ARHGAP17: variants seen among roughly 807,000 people sequenced by gnomAD.
The protein encoded by ARHGAP17 is Rho GTPase activating protein 17.
ARHGAP17 carries 57 observed loss-of-function variants against 99.5 expected under a neutral mutation model. The observed-to-expected ratio is 0.57, with a 90% CI of 0.46 to 0.71. ARHGAP17 has a LOEUF of 0.71. Ranked by LOEUF, ARHGAP17 falls within the 30% of genes least tolerant of loss-of-function variation. The probability of loss-of-function intolerance (pLI) is 0.00; values close to 1 mark genes in which losing one functional copy is unlikely to be tolerated. For missense variants in ARHGAP17, 1,000 were observed against 1,122.4 expected, an observed-to-expected ratio of 0.89 and a Z score of 1.56; for synonymous variants, 417 against 429.6, an observed-to-expected ratio of 0.97 and a Z score of 0.36.
chr16:24,940,368 G>A (rs1325500776), intron 16 of ARHGAP17, among the ~76,000 whole-genome samples: 1 of 152,094 alleles, frequency 6.6e-6, no homozygotes, highest in Non-Finnish European at 1.5e-5. Context: ...ACAATCCTAT[G>A]TGCATATGCA....
At chr16:24,974,090 A>G (rs1246477792) in intron 3 of ARHGAP17, among the ~76,000 whole-genome samples, 1 of 152,234 alleles carries the variant, frequency 6.6e-6, no homozygotes, top group Non-Finnish European at 1.5e-5. Flanking sequence ...CACTTCTAAC[A>G]TTAAGATACT....
chr16:24,984,618 C>T (rs959181559), intron 1 of ARHGAP17, among the ~76,000 whole-genome samples: 6 of 151,564 alleles, frequency 4.0e-5, no homozygotes, highest in South Asian at 2.1e-4. Flanking sequence ...ATTGAAATTG[C>T]GCCACTGCAC....
intron 3 of ARHGAP17, among the ~76,000 whole-genome samples, chr16:24,975,537 A>G (rs1162452455): frequency 6.6e-6 from 1 of 152,238 alleles, no homozygotes; most frequent in Non-Finnish European, 1.5e-5. Flanking sequence ...GTGTGGAAGC[A>G]TAGGTGTATG....
chr16:24,954,192 T>C (rs771917377), intron 10 of ARHGAP17, among the ~76,000 whole-genome samples: 44 of 152,296 alleles, frequency 2.9e-4, no homozygotes, highest in Middle Eastern at 6.8e-3. Flanking sequence ...AAATTAAGTA[T>C]GTAAATGACC....
intron 3 of ARHGAP17, chr16:24,972,488 T>C (rs1221810705): frequency 6.6e-6 from 1 of 152,100 alleles, no homozygotes; most frequent in East Asian, 1.9e-4. Flanking sequence ...TACAAAATTA[T>C]TTTCAAATAA....
chr16:24,952,571 C>G (rs2051676236), intron 11 of ARHGAP17, among the ~76,000 whole-genome samples: 1 of 151,914 alleles, frequency 6.6e-6, no homozygotes, highest in Admixed American at 6.6e-5. Context: ...TTTAAGAGAT[C>G]AATTACAAAT....
Position 24,919,955 on chromosome 16 carries a change from G to T in ARHGAP17, c.*175C>A, listed in dbSNP as rs2050676496. The stretch of plus-strand genomic sequence containing the variant: ...TCAAGACACAGGTCATTCAGCTTTA[G>T]TGGTGGCCTCCAGGTTCTCCTTGGG... On this transcript the variant is annotated 3_prime_UTR_variant, in exon 20 of 20. Coordinates refer to ENST00000289968, the MANE Select transcript of ARHGAP17 (RefSeq NM_001006634.3). 1 of 853,478 alleles carries T rather than the reference G, an allele frequency of 1.2e-6. No individual in the cohort carries two copies. Among genetic ancestry groups the T allele is most frequent in the Non-Finnish European group, 1.7e-6 (1 of 575,748 alleles). The allele number at this position is 853,478 out of a possible 1,614,324, so 52.9% of individuals were successfully genotyped here.
chr16:24,929,134 C>T (rs1245653679), intron 19 of ARHGAP17, among the ~76,000 whole-genome samples: 1 of 149,538 alleles, frequency 6.7e-6, no homozygotes, highest in African/African-American at 2.5e-5. Flanking sequence ...AGAGGCTCAC[C>T]AAAAAGATAG....
Position 24,954,651 on chromosome 16 carries a change from G to A in ARHGAP17, c.804C>T (p.Pro268=). The part of the protein sequence containing the change: ...LKRSGREIAL[P]IEACVMLLLE... ...GAAGCAGCATGACACAGGCTTCAAT[G>A]GGCAGCGCAATCTCGCGCCCGCTCC... is the stretch of plus-strand genomic sequence containing the variant. The change falls in exon 10 of 20, where the codon CCC becomes CCT. Residue 268 remains proline (P), a synonymous_variant. Transcript: ENST00000289968. 6.2e-7 allele frequency: 1 copy of A among 1,613,996 alleles called. No individual in the cohort carries two copies. The highest frequency in any genetic ancestry group is 8.5e-7 in the Non-Finnish European group (1 of 1,179,940).
intron 19 of ARHGAP17, among the ~76,000 whole-genome samples, chr16:24,928,515 C>T (rs2050899414): frequency 6.6e-6 from 1 of 152,164 alleles, no homozygotes; most frequent in Non-Finnish European, 1.5e-5. Flanking sequence ...TTCTGGTTTG[C>T]AATCTTTCAT....
At chr16:24,941,867 AC>A in intron 16 of ARHGAP17, 119 bp downstream of exon 16, 1 of 1,344,302 alleles carries the variant, frequency 7.4e-7, no homozygotes, top group African/African-American at 1.4e-5. Flanking sequence ...CTATCTGGAC[AC>A]CATCAGTCAT....
intron 1 of ARHGAP17, among the ~76,000 whole-genome samples, chr16:24,989,476 G>C (rs970829565): frequency 1.8e-4 from 27 of 152,048 alleles, no homozygotes; most frequent in African/African-American, 6.5e-4. Context: ...CTTAACCAGA[G>C]CTACACATGA....
At chr16:24,992,707 G>T (rs538728155) in intron 1 of ARHGAP17, among the ~76,000 whole-genome samples, 8 of 152,202 alleles carry the variant, frequency 5.3e-5, no homozygotes, top group South Asian at 4.1e-4. Flanking sequence ...AAAAGTACAA[G>T]AAAAATTCAT....
chr16:24,963,118 A>C (rs933449774), intron 7 of ARHGAP17, among the ~76,000 whole-genome samples: 23 of 152,232 alleles, frequency 1.5e-4, no homozygotes, highest in African/African-American at 4.8e-4. Flanking sequence ...TCTAGGTTAG[A>C]CCAGATATTA....
At chr16:24,921,229 A>G (rs187725573) in intron 19 of ARHGAP17, among the ~76,000 whole-genome samples, 1 of 152,206 alleles carries the variant, frequency 6.6e-6, no homozygotes. Flanking sequence ...GATCCTAATT[A>G]AGACAAAAGG....
intron 2 of ARHGAP17, 49 bp from the exon 3 acceptor site, chr16:24,977,368 G>A (rs1378895559): frequency 2.0e-6 from 3 of 1,467,478 alleles, no homozygotes; most frequent in African/African-American, 2.8e-5. Flanking sequence ...TTTCTTTTGT[G>A]GTGTCTGCAT....
At chr16:24,974,390 C>T (rs549822117) in intron 3 of ARHGAP17, among the ~76,000 whole-genome samples, 291 of 152,300 alleles carry the variant, frequency 1.9e-3, no homozygotes, top group African/African-American at 6.6e-3. Flanking sequence ...GGATCAACCA[C>T]TGCGCTCCAG....
In ARHGAP17 at chr16:24,935,546, T is replaced by C; in HGVS notation, c.1818A>G (p.Ala606=). The change falls in exon 18 of 20, where the codon GCA becomes GCG. Residue 606 remains alanine, a synonymous_variant. Coordinates refer to ENST00000289968, the MANE Select transcript of ARHGAP17 (RefSeq NM_001006634.3). ...TGGAGAGCTGGTGGGAGCCAGCAGC[T>C]GCCTGGGGCTGATTTTGGCCAGATG... ...QIASGQNQPQ[A]AAGSHQLSMG... is the part of the protein sequence containing the mutation. 1 of 1,614,016 alleles carries C rather than the reference T, an allele frequency of 6.2e-7. No individual in the cohort carries two copies. Among genetic ancestry groups the C allele is most frequent in the Non-Finnish European group, 8.5e-7 (1 of 1,180,002 alleles).
intron 7 of ARHGAP17, among the ~76,000 whole-genome samples, chr16:24,962,669 A>G (rs2052046371): frequency 6.6e-6 from 1 of 152,236 alleles, no homozygotes; most frequent in South Asian, 2.1e-4. Context: ...AAAACACATG[A>G]GGAAATAATC....
Sources: gnomAD v4.1 joint callset for allele counts (sites outside exome capture counted in the v4.1 genomes callset) on GRCh38, gnomAD v4.1.1 for gene constraint, MANE v1.5 for transcripts, NCBI Gene and HGNC (gene_info 2026-07-23, HGNC 2026-07-21) for gene names.